CAB39L: variants seen among roughly 807,000 people sequenced by gnomAD.
CAB39L encodes calcium binding protein 39 like.
Under a neutral mutation model 39.1 loss-of-function variants are expected in CAB39L, and 23 were observed. That is an observed-to-expected ratio of 0.59 (90% CI 0.42 to 0.83). The LOEUF (loss-of-function observed/expected upper bound fraction) is 0.83. Ranked by LOEUF, CAB39L falls within the 40% of genes least tolerant of loss-of-function variation. The probability of loss-of-function intolerance (pLI) is 0.00; values close to 1 mark genes in which losing one functional copy is unlikely to be tolerated. For synonymous variants in CAB39L, 126 were observed against 137.2 expected (o/e 0.92, Z 0.57); for missense variants, 366 against 391.9 (o/e 0.93, Z 0.56).
intron 1 of CAB39L, among the ~76,000 whole-genome samples, chr13:49,442,111 C>T (rs776651830): frequency 6.6e-6 from 1 of 152,066 alleles, no homozygotes; most frequent in Non-Finnish European, 1.5e-5. Flanking sequence ...TTTCCAATGA[C>T]GGTGGTTTTA....
rs1413669879 is a variant in CAB39L, at chr13:49,431,571, G to A, written c.-32+1747C>T. Among the ~76,000 whole-genome samples, 5 of 152,106 alleles carry A rather than the reference G, an allele frequency of 3.3e-5. No individual in the cohort carries two copies. In the East Asian group the frequency reaches 7.7e-4, roughly 24 times the overall value. On this transcript the variant is annotated intron_variant, in intron 3 of 10. Coordinates refer to ENST00000409308, the MANE Select transcript of CAB39L (RefSeq NM_001079670.3). ...AAAATTAAAAAATTACCTGGGCTTG[G>A]TGGCACACTCCTGTAATCCCAGCTA...
chr13:49,420,287 A>G (rs1290277032), intron 3 of CAB39L: 1 of 152,230 alleles, frequency 6.6e-6, no homozygotes, highest in African/African-American at 2.4e-5. Context: ...AAAATAATGC[A>G]TAAATATACT....
At chr13:49,418,840 C>A (rs1044694243) in intron 3 of CAB39L, among the ~76,000 whole-genome samples, 1 of 152,138 alleles carries the variant, frequency 6.6e-6, no homozygotes, top group African/African-American at 2.4e-5. Flanking sequence ...GAATTACAGA[C>A]ATGAGCCACC....
intron 3 of CAB39L, chr13:49,392,975 T>A (rs983801464): frequency 1.1e-4 from 17 of 152,054 alleles, no homozygotes; most frequent in African/African-American, 3.6e-4. Flanking sequence ...AAATCTTAGC[T>A]CAATTTACAA....
Position 49,386,389 on chromosome 13 carries a change from G to A in CAB39L, c.-31-3448C>T, listed in dbSNP as rs532483361. Reference sequence around the variant, plus strand: ...TAATCTGAGTAATTACTGAGCACAGGCACTTTGCTAAATACTAGGGATAGA... The same window carrying A: ...TAATCTGAGTAATTACTGAGCACAGACACTTTGCTAAATACTAGGGATAGA... On this transcript the variant is annotated intron_variant, in intron 3 of 10. Transcript: ENST00000409308. Among the ~76,000 whole-genome samples, 5 of 152,130 alleles carry A rather than the reference G, an allele frequency of 3.3e-5. No homozygotes were observed. In the South Asian group the frequency reaches 1.0e-3, roughly 32 times the overall value.
At chr13:49,366,055 A>G (rs543842014) in intron 5 of CAB39L, among the ~76,000 whole-genome samples, 185 of 152,342 alleles carry the variant, frequency 1.2e-3, no homozygotes, top group African/African-American at 3.9e-3. Flanking sequence ...CCAGGCATAG[A>G]AAGACAAACA....
intron 9 of CAB39L, among the ~76,000 whole-genome samples, chr13:49,332,365 G>T (rs563143177): frequency 6.6e-6 from 1 of 152,146 alleles, no homozygotes; most frequent in East Asian, 1.9e-4. Context: ...ATAAATTTAT[G>T]GTTTTCAATA....
chr13:49,433,993 A>T, intron 2 of CAB39L, 93 bp downstream of exon 2: 1 of 344,476 alleles, frequency 2.9e-6, no homozygotes, highest in South Asian at 2.3e-5. Context: ...TACTAATTTC[A>T]GTCACCAGCG....
chr13:49,435,735 A>T (rs1957400563), intron 1 of CAB39L, among the ~76,000 whole-genome samples: 1 of 152,184 alleles, frequency 6.6e-6, no homozygotes, highest in Non-Finnish European at 1.5e-5. Context: ...TCCTGACCTC[A>T]AGCGATCTGC....
At chr13:49,391,861 A>G (rs1398342368) in intron 3 of CAB39L, among the ~76,000 whole-genome samples, 3 of 152,080 alleles carry the variant, frequency 2.0e-5, no homozygotes, top group African/African-American at 7.2e-5. Context: ...TATAGAAGGA[A>G]TAAGAGCAAC....
intron 5 of CAB39L, among the ~76,000 whole-genome samples, chr13:49,372,346 G>A (rs74072542): frequency 0.012 from 1,787 of 152,110 alleles, 41 homozygotes; most frequent in African/African-American, 0.041. Flanking sequence ...CCCAAAGGCC[G>A]ACCTCCTAAC....
chr13:49,394,620 T>C (rs1198697259), intron 3 of CAB39L, among the ~76,000 whole-genome samples: 5 of 152,126 alleles, frequency 3.3e-5, no homozygotes, highest in Non-Finnish European at 7.4e-5. Context: ...CTGAGAAATA[T>C]CTAATCTAAC....
At chr13:49,363,939 AC>A (rs1955701347) in intron 5 of CAB39L, among the ~76,000 whole-genome samples, 1 of 152,182 alleles carries the variant, frequency 6.6e-6, no homozygotes. Context: ...CTATGAAGAT[AC>A]ACATGGACTG....
At chr13:49,322,949 G>T (rs1954393607) in intron 10 of CAB39L, among the ~76,000 whole-genome samples, 1 of 152,212 alleles carries the variant, frequency 6.6e-6, no homozygotes. Context: ...TATGAAACAT[G>T]TGCTCTGCCC....
At chr13:49,339,568 A>G in intron 9 of CAB39L, 109 bp downstream of exon 9, 1 of 1,173,268 alleles carries the variant, frequency 8.5e-7, no homozygotes, top group South Asian at 3.2e-5. Context: ...AGTTATTTAA[A>G]AAAAGGATAT....
intron 3 of CAB39L, chr13:49,401,313 T>C (rs917051737): frequency 2.0e-5 from 3 of 152,128 alleles, no homozygotes; most frequent in Non-Finnish European, 4.4e-5. Flanking sequence ...CACAATTAGG[T>C]CTTGACTTTC....
chr13:49,372,729 G>A (rs893370709), intron 5 of CAB39L, among the ~76,000 whole-genome samples: 2 of 152,282 alleles, frequency 1.3e-5, no homozygotes, highest in East Asian at 1.9e-4. Flanking sequence ...GGAGTTCAGT[G>A]GTGCAATCTC....
chr13:49,334,786 C>G (rs180943287), intron 9 of CAB39L, among the ~76,000 whole-genome samples: 275 of 152,278 alleles, frequency 1.8e-3, no homozygotes, highest in Middle Eastern at 3.4e-3. Flanking sequence ...AAAACTATCC[C>G]TTATTACAGT....
chr13:49,423,693 T>C (rs2138716074), intron 3 of CAB39L, among the ~76,000 whole-genome samples: 1 of 152,348 alleles, frequency 6.6e-6, no homozygotes, highest in Admixed American at 6.5e-5. Context: ...TCTCTTCCCA[T>C]ACACGACAAC....
Sources: gnomAD v4.1 joint callset for allele counts (sites outside exome capture counted in the v4.1 genomes callset) on GRCh38, gnomAD v4.1.1 for gene constraint, MANE v1.5 for transcripts, NCBI Gene and HGNC (gene_info 2026-07-23, HGNC 2026-07-21) for gene names.